EPS15: variants seen among roughly 807,000 people sequenced by gnomAD.
EPS15 encodes epidermal growth factor receptor pathway substrate 15, also known as epidermal growth factor receptor substrate 15.
EPS15 carries 72 observed loss-of-function variants against 113.8 expected under a neutral mutation model. That is an observed-to-expected ratio of 0.63 (90% CI 0.52 to 0.77). The LOEUF (loss-of-function observed/expected upper bound fraction) is 0.77, where lower values mean the gene tolerates loss of function less well. Ranked by LOEUF, EPS15 falls within the 30% of genes least tolerant of loss-of-function variation. The probability of loss-of-function intolerance (pLI) is 0.00; values close to 1 mark genes in which losing one functional copy is unlikely to be tolerated. For synonymous variants in EPS15, 344 were observed against 363.4 expected (o/e 0.95, Z 0.61); for missense variants, 1,048 against 1,045.8 (o/e 1.00, Z -0.03).
chr1:51,503,842 A>C (rs1644453523), intron 1 of EPS15, among the ~76,000 whole-genome samples: 1 of 152,206 alleles, frequency 6.6e-6, no homozygotes, highest in South Asian at 2.1e-4. Context: ...TGTGGAAAGA[A>C]TAGCCTTTTC....
At chr1:51,383,025 C>T (rs995210684) in intron 21 of EPS15, among the ~76,000 whole-genome samples, 1 of 152,212 alleles carries the variant, frequency 6.6e-6, no homozygotes, top group Admixed American at 6.5e-5. Flanking sequence ...AGGGATTATA[C>T]ACCATGTCCA....
chr1:51,385,195 G>A (rs903077563), intron 21 of EPS15, among the ~76,000 whole-genome samples: 1 of 152,038 alleles, frequency 6.6e-6, no homozygotes, highest in Non-Finnish European at 1.5e-5. Context: ...TCTGATAAGG[G>A]GTTAATATCT....
chr1:51,454,691 A>G (rs941161076), intron 8 of EPS15, among the ~76,000 whole-genome samples: 2 of 152,206 alleles, frequency 1.3e-5, no homozygotes, highest in African/African-American at 4.8e-5. Context: ...GAGAGACTGA[A>G]AACATGACAA....
At chr1:51,384,168 T>G (rs1285351554) in intron 21 of EPS15, among the ~76,000 whole-genome samples, 3 of 152,182 alleles carry the variant, frequency 2.0e-5, no homozygotes, top group Non-Finnish European at 2.9e-5. Flanking sequence ...ATCTACAGAT[T>G]CAATGCAATC....
chr1:51,496,449 T>G (rs561566514), intron 1 of EPS15, among the ~76,000 whole-genome samples: 27 of 152,324 alleles, frequency 1.8e-4, no homozygotes, highest in African/African-American at 6.5e-4. Flanking sequence ...CCACCTTCCA[T>G]TTAACAAAAG....
At chr1:51,437,600 A>G (rs1429646590) in intron 12 of EPS15, among the ~76,000 whole-genome samples, 1 of 149,684 alleles carries the variant, frequency 6.7e-6, no homozygotes, top group Non-Finnish European at 1.5e-5. Flanking sequence ...TTCCTGTGTT[A>G]GCCTCCTGAG....
Position 51,463,769 on chromosome 1 carries a change from T to C in EPS15, c.405A>G (p.Ile135Met). The change falls in exon 7 of 25, where the codon ATA becomes ATG. Residue 135 changes from isoleucine (I) to methionine (M), a missense_variant. Ile to Met is a conservative substitution (Grantham distance 10). Coordinates refer to ENST00000371733, the MANE Select transcript of EPS15 (RefSeq NM_001981.3). ...CATTCACTGGGCTTAAACTATCAAATATTGCATCATATTTGGCCTTATCTT... is the reference window on the plus strand; with the variant it reads ...CATTCACTGGGCTTAAACTATCAAACATTGCATCATATTTGGCCTTATCTT... Reference protein sequence around the residue: ...KPEDKAKYDAIFDSLSPVNGF... With the variant: ...KPEDKAKYDAMFDSLSPVNGF... 6.2e-7 allele frequency: 1 copy of C among 1,601,992 alleles called. No individual in the cohort carries two copies. Among genetic ancestry groups the C allele is most frequent in the East Asian group, 2.2e-5 (1 of 44,660 alleles).
Position 51,363,846 on chromosome 1 carries a change from A to G in EPS15, c.2359+20T>C, listed in dbSNP as rs1220297586. On this transcript the variant is annotated intron_variant, in intron 23 of 24. Coordinates refer to ENST00000371733, the MANE Select transcript of EPS15 (RefSeq NM_001981.3). ...AGAAAAGCCATGCAGTTGACTGAAG[A>G]AAAGTACCAACTCTCATACCAGGTG... 2.5e-6 allele frequency: 4 copies of G among 1,594,942 alleles called. No individual in the cohort carries two copies. Among genetic ancestry groups the G allele is most frequent in the Middle Eastern group, 1.7e-4 (1 of 5,984 alleles).
At chr1:51,384,630 G>A (rs887793121) in intron 21 of EPS15, among the ~76,000 whole-genome samples, 3 of 151,790 alleles carry the variant, frequency 2.0e-5, no homozygotes, top group Non-Finnish European at 4.4e-5. Context: ...GAGCCACTGT[G>A]CCCAGCCCAA....
At chr1:51,358,762 C>T (rs1282994752) in intron 24 of EPS15, among the ~76,000 whole-genome samples, 1 of 142,902 alleles carries the variant, frequency 7.0e-6, no homozygotes, top group African/African-American at 2.6e-5. Context: ...AGCTTGAGGA[C>T]AGTGGCACTA....
chr1:51,448,533 G>C (rs1008638835), intron 8 of EPS15, among the ~76,000 whole-genome samples: 34 of 152,096 alleles, frequency 2.2e-4, no homozygotes, highest in African/African-American at 8.2e-4. Flanking sequence ...ATATTTTACA[G>C]ACAAGCAAAT....
rs202142350 is a variant in EPS15, at chr1:51,464,238, T to TA, written c.376-441dup. Among the ~76,000 whole-genome samples the TA allele has an allele frequency of 8.8e-3, 857 of 97,744 alleles. 4 individuals carry two copies. Among genetic ancestry groups the TA allele is most frequent in the African/African-American group, 0.026 (761 of 29,430 alleles). 64.1% of individuals were successfully genotyped at this position (97,744 alleles called of 152,430 possible). On this transcript the variant is annotated intron_variant, in intron 6 of 24. Transcript: ENST00000371733. The stretch of plus-strand genomic sequence containing the variant: ...TGGTATGAGGTGCAGTTCAAATAAA[T>TA]AAAATTTTTTTTTTTTTTTGAGACG...
At chr1:51,461,029 GA>G in intron 8 of EPS15, 61 bp downstream of exon 8, 1 of 1,098,076 alleles carries the variant, frequency 9.1e-7, no homozygotes, top group Non-Finnish European at 1.4e-6. Flanking sequence ...ACTAAAAGAG[GA>G]AATTTGCACA....
At chr1:51,451,365 C>T (rs1653534891) in intron 8 of EPS15, among the ~76,000 whole-genome samples, 1 of 151,084 alleles carries the variant, frequency 6.6e-6, no homozygotes, top group African/African-American at 2.5e-5. Flanking sequence ...GTGGCGCATG[C>T]CTGTAATCCC....
chr1:51,468,371 C>T (rs1384193932), intron 5 of EPS15, 102 bp downstream of exon 5: 1 of 870,438 alleles, frequency 1.1e-6, no homozygotes, highest in Non-Finnish European at 1.9e-6. Context: ...AGTGAAAGGG[C>T]CAAAGGGAGA....
intron 1 of EPS15, among the ~76,000 whole-genome samples, chr1:51,484,517 A>G (rs1644084727): frequency 6.6e-6 from 1 of 152,236 alleles, no homozygotes; most frequent in South Asian, 2.1e-4. Flanking sequence ...TACTGTGTAT[A>G]TCTAGTTTCT....
intron 13 of EPS15, among the ~76,000 whole-genome samples, chr1:51,415,916 C>T (rs1650179158): frequency 6.7e-6 from 1 of 149,268 alleles, no homozygotes; most frequent in Admixed American, 6.7e-5. Flanking sequence ...TCAAAATGAA[C>T]TCATGCAAAT....
In EPS15 at chr1:51,448,322, A is replaced by C. The variant is rs75449809; in HGVS notation, c.562-187T>G. ...GAGGGAGAAAAAGAAAGAAATAAAA[A>C]CTAAGAAATTTTTAGGAAGATATCC... is the stretch of plus-strand genomic sequence containing the variant. On this transcript the variant is annotated intron_variant, in intron 8 of 24. Transcript: ENST00000371733. Among the ~76,000 whole-genome samples the C allele has an allele frequency of 9.6e-3, 1,427 of 149,310 alleles. 23 individuals carry two copies. The highest frequency in any genetic ancestry group is 0.033 in the African/African-American group (1,359 of 40,820).
At chr1:51,516,975 G>T (rs547694434) in intron 1 of EPS15, among the ~76,000 whole-genome samples, 1 of 152,286 alleles carries the variant, frequency 6.6e-6, no homozygotes, top group Admixed American at 6.5e-5. Context: ...TGGGCAGGGT[G>T]GGGGGAACAG....
Sources: allele counts gnomAD v4.1 joint callset (sites outside exome capture counted in the v4.1 genomes callset), GRCh38; gene constraint gnomAD v4.1.1; transcripts MANE v1.5; gene names NCBI Gene and HGNC (gene_info 2026-07-23, HGNC 2026-07-21).